The following SIPA1L2 variants were observed in gnomAD, a reference collection of about 807,000 sequenced individuals.
SIPA1L2 encodes the protein signal induced proliferation associated 1 like 2, also known as signal-induced proliferation-associated 1-like protein 2.
Under a neutral mutation model 163.9 loss-of-function variants are expected in SIPA1L2, and 56 were observed. That is an observed-to-expected ratio of 0.34 (90% confidence interval 0.28 to 0.43). The LOEUF is 0.43. SIPA1L2 is among the 20% of genes least tolerant of loss of function. SIPA1L2 has a pLI of 1.00. For synonymous variants in SIPA1L2, 877 were observed against 865.7 expected, an observed-to-expected ratio of 1.01 and a Z score of -0.23; for missense variants, 1,974 against 2,193.5, an observed-to-expected ratio of 0.90 and a Z score of 2.00.
Position 232,402,449 on chromosome 1 carries a change from G to A in SIPA1L2, c.4965C>T (p.Thr1655=), listed in dbSNP as rs566246919. The change falls in exon 22 of 23, where the codon ACC becomes ACT. Residue 1655 remains threonine, a synonymous_variant. Coordinates refer to ENST00000674635, the MANE Select transcript of SIPA1L2 (RefSeq NM_020808.5). ...TTAATTCCAGCTGATTGACTTTCCC[G>A]GTCAGTGGTGATGGAGAACGCTCCC... ...TTGERSPSPL[T]GKVNQLELIL... is the part of the protein sequence containing the mutation. 2.0e-5 allele frequency: 32 copies of A among 1,613,450 alleles called. No homozygotes were observed. The Admixed American group carries it at 2.7e-4, about 13-fold the overall frequency.
chr1:232,453,656 G>A (rs1663717859), intron 10 of SIPA1L2, among the ~76,000 whole-genome samples: 2 of 151,954 alleles, frequency 1.3e-5, no homozygotes, highest in African/African-American at 4.8e-5. Context: ...TAGAGAGGTT[G>A]GAAAGATGAT....
chr1:232,469,553 C>A (rs556667026), intron 8 of SIPA1L2, among the ~76,000 whole-genome samples: 1 of 152,112 alleles, frequency 6.6e-6, no homozygotes, highest in African/African-American at 2.4e-5. Context: ...GCTGATGAGG[C>A]ACTTCCAAAA....
rs1409485192 is a variant in SIPA1L2 at position 232,464,997 on chromosome 1, G to A, written c.2663C>T (p.Ser888Phe). 2 of 1,614,122 alleles carry A rather than the reference G, an allele frequency of 1.2e-6. No homozygotes were observed. The highest frequency in any genetic ancestry group is 2.2e-5 in the South Asian group (2 of 91,058). ...GGAACAGTTGAATACAACATTCTTG[G>A]AATCCTTTTCAATCAACATGATGAA... ...NEFIMLIEKDSKNVVFNCSCR... is the reference protein window; with the variant it reads ...NEFIMLIEKDFKNVVFNCSCR... Residue 888 changes from serine to phenylalanine, a missense_variant, in exon 9 of 23, where the codon TCC (serine) becomes TTC (phenylalanine). By Grantham distance (155) the Ser-to-Phe change is radical. Around this residue, in one of 3 missense-constraint regions of SIPA1L2, gnomAD observed 1,079 missense variants for 1,150.7 expected, o/e 0.94. Transcript: ENST00000674635.
intron 1 of SIPA1L2, among the ~76,000 whole-genome samples, chr1:232,582,152 T>C (rs746603467): frequency 3.3e-5 from 5 of 152,092 alleles, no homozygotes; most frequent in Non-Finnish European, 7.4e-5. Flanking sequence ...ATTAATTTCA[T>C]TCACTGTCTA....
Position 232,439,089 on chromosome 1 carries a change from G to A in SIPA1L2, c.4031+19C>T. 1 of 1,580,100 alleles carries A rather than the reference G, an allele frequency of 6.3e-7. No individual in the cohort carries two copies. The highest frequency in any genetic ancestry group is 8.6e-7 in the Non-Finnish European group (1 of 1,163,310). On this transcript the variant is annotated intron_variant, in intron 15 of 22. Coordinates refer to ENST00000674635, the MANE Select transcript of SIPA1L2 (RefSeq NM_020808.5). Reference sequence around the variant, plus strand: ...AGGTGGCACCAGCAGGTACTACTCTGCAGTGCTGTGGGGCTTACCTGGAAT... The same window carrying A: ...AGGTGGCACCAGCAGGTACTACTCTACAGTGCTGTGGGGCTTACCTGGAAT...
At chr1:232,489,196 A>G (rs1157263043) in intron 5 of SIPA1L2, among the ~76,000 whole-genome samples, 1 of 152,178 alleles carries the variant, frequency 6.6e-6, no homozygotes, top group East Asian at 1.9e-4. Context: ...CAAAGGGATC[A>G]AGAACTACCT....
At position 232,464,875 on chromosome 1, in the gene SIPA1L2, C is replaced by T. The variant is rs369795301; in HGVS notation, c.2785G>A (p.Ala929Thr). The change falls in exon 9 of 23, where the codon GCT (alanine) becomes ACT (threonine). Residue 929 changes from alanine (A) to threonine (T), a missense_variant. Physicochemically the swap from Ala to Thr is moderately conservative, Grantham distance 58. Coordinates refer to ENST00000674635, the MANE Select transcript of SIPA1L2 (RefSeq NM_020808.5). ...CVLLSSVDNC[A>T]EDIREIVQRL... is the part of the protein sequence containing the mutation. The stretch of plus-strand genomic sequence containing the variant: ...TGAACAATTTCCCTGATGTCTTCAG[C>T]ACAGTTGTCTACCGAGGACAGGAGG... 6.8e-6 allele frequency: 11 copies of T among 1,612,506 alleles called. No individual in the cohort carries two copies. In the African/African-American group the frequency reaches 1.5e-4, roughly 21 times the overall value.
At chr1:232,539,571 G>A (rs1657515948) in intron 2 of SIPA1L2, among the ~76,000 whole-genome samples, 1 of 152,136 alleles carries the variant, frequency 6.6e-6, no homozygotes, top group Non-Finnish European at 1.5e-5. Flanking sequence ...AGCATCACCA[G>A]GCCAATATGC....
intron 2 of SIPA1L2, among the ~76,000 whole-genome samples, chr1:232,572,694 C>CATATAT (rs61685621): frequency 6.9e-5 from 7 of 101,192 alleles, no homozygotes; most frequent in South Asian, 4.0e-4. Flanking sequence ...CATATACATA[C>CATATAT]ATATATATAT....
chr1:232,483,243 C>A (rs1477088956), intron 6 of SIPA1L2, among the ~76,000 whole-genome samples: 2 of 146,234 alleles, frequency 1.4e-5, no homozygotes, highest in Non-Finnish European at 3.0e-5. Context: ...AAATAAGATG[C>A]ATCAGCTTTT....
At chr1:232,553,317 C>T (rs573637635) in intron 2 of SIPA1L2, among the ~76,000 whole-genome samples, 3 of 152,300 alleles carry the variant, frequency 2.0e-5, no homozygotes, top group Admixed American at 6.5e-5. Flanking sequence ...CTGCCCTTCT[C>T]TCTTCTGTTC....
chr1:232,519,497 G>C (rs1667365672), intron 2 of SIPA1L2, among the ~76,000 whole-genome samples: 3 of 152,218 alleles, frequency 2.0e-5, no homozygotes, highest in Admixed American at 2.0e-4. Flanking sequence ...GGCCACCTCA[G>C]CTTCGTGTCC....
chr1:232,512,682 C>T (rs1319180628), intron 3 of SIPA1L2, among the ~76,000 whole-genome samples: 1 of 152,098 alleles, frequency 6.6e-6, no homozygotes, highest in Non-Finnish European at 1.5e-5. Flanking sequence ...GGACAAACAC[C>T]TAATGCATTC....
chr1:232,530,913 C>T (rs1428595574), intron 2 of SIPA1L2, among the ~76,000 whole-genome samples: 1 of 152,188 alleles, frequency 6.6e-6, no homozygotes, highest in Non-Finnish European at 1.5e-5. Flanking sequence ...AATTTATTTA[C>T]TCACAAGGTT....
Position 232,618,671 on chromosome 1 carries a change from C to T in SIPA1L2, c.-319+11198G>A, listed in dbSNP as rs12562971. On this transcript the variant is annotated intron_variant, in intron 1 of 22. Coordinates refer to ENST00000674635, the MANE Select transcript of SIPA1L2 (RefSeq NM_020808.5). Reference sequence around the variant, plus strand: ...TCCATCTCAAAAAAAAAAAAAAAAACTCTTGTTACTCCGCATAATTTTAAA... The same window carrying T: ...TCCATCTCAAAAAAAAAAAAAAAAATTCTTGTTACTCCGCATAATTTTAAA... 0.031 allele frequency among the ~76,000 whole-genome samples: 4,466 copies of T among 144,176 alleles called. 371 individuals are homozygous for T. In the East Asian group the frequency reaches 0.36, roughly 12 times the overall value. 94.6% of individuals were successfully genotyped at this position (144,176 alleles called of 152,430 possible).
Position 232,588,119 on chromosome 1 carries a change from C to T in SIPA1L2, c.-318-13897G>A, listed in dbSNP as rs140455272. ...ACTCTTGAGCACACACACACTATGA[C>T]TCTGTGTGAAGGAAGGGAAAGCCCT... On this transcript the variant is annotated intron_variant, in intron 1 of 22. Transcript: ENST00000674635. Among the ~76,000 whole-genome samples, 608 of 152,292 alleles carry T rather than the reference C, an allele frequency of 4.0e-3. 2 individuals are homozygous for T. Among genetic ancestry groups the T allele is most frequent in the African/African-American group, 0.014 (573 of 41,560 alleles).
rs1284157871 is a variant in SIPA1L2, at chr1:232,398,369, G to A, written c.*758C>T. 6.6e-6 allele frequency: 1 copy of A among 152,564 alleles called. No individual in the cohort carries two copies. The highest frequency in any genetic ancestry group is 1.5e-5 in the Non-Finnish European group (1 of 68,026). 9.5% of individuals were successfully genotyped at this position (152,564 alleles called of 1,614,324 possible). A position where few individuals can be genotyped will look rare whatever the true frequency, so the allele number is the denominator to read the frequency against. On this transcript the variant is annotated 3_prime_UTR_variant, in exon 23 of 23. Coordinates refer to ENST00000674635, the MANE Select transcript of SIPA1L2 (RefSeq NM_020808.5). Reference sequence around the variant, plus strand: ...GATTCACTCTCATTTCTTTCCAGCAGAGCAACTATACAAAAGTGAACTAAG... The same window carrying A: ...GATTCACTCTCATTTCTTTCCAGCAAAGCAACTATACAAAAGTGAACTAAG...
At chr1:232,511,687 A>G (rs892399935) in intron 3 of SIPA1L2, among the ~76,000 whole-genome samples, 1 of 152,102 alleles carries the variant, frequency 6.6e-6, no homozygotes, top group Admixed American at 6.5e-5. Context: ...CCACTCCAAT[A>G]AAACAAACTA....
At chr1:232,589,552 T>C (rs1300536518) in intron 1 of SIPA1L2, among the ~76,000 whole-genome samples, 2 of 152,218 alleles carry the variant, frequency 1.3e-5, no homozygotes, top group Non-Finnish European at 2.9e-5. Context: ...TTGGAGTCTG[T>C]TGGGGAATCA....
Sources: gnomAD v4.1 joint callset for allele counts (sites outside exome capture counted in the v4.1 genomes callset) on GRCh38, gnomAD v4.1.1 for gene constraint, gnomAD v4.1.1 regional missense constraint, MANE v1.5 for transcripts, NCBI Gene and HGNC (gene_info 2026-07-23, HGNC 2026-07-21) for gene names.